Variants in DGKG observed in about 807,000 individuals in gnomAD.
The protein encoded by DGKG is diacylglycerol kinase gamma.
In DGKG, 78 loss-of-function variants were observed where a neutral mutation model predicts 105.3. The ratio of observed to expected loss-of-function variants is 0.74; its 90% CI spans 0.62 to 0.89. DGKG has a LOEUF of 0.89. DGKG is among the 40% of genes least tolerant of loss of function. DGKG has a pLI of 0.00. For synonymous variants in DGKG, 346 were observed against 367.1 expected (o/e 0.94, Z 0.66); for missense variants, 958 against 1,020.1 (o/e 0.94, Z 0.83).
At chr3:186,283,947 A>G (rs1201621841) in intron 7 of DGKG, among the ~76,000 whole-genome samples, 1 of 152,142 alleles carries the variant, frequency 6.6e-6, no homozygotes, top group Admixed American at 6.5e-5. Flanking sequence ...AATGAGCCCT[A>G]TCTCTGACAT....
rs528077961 is a variant in DGKG, at chr3:186,347,375, G to A, written c.-249+14571C>T. On this transcript the variant is annotated intron_variant, in intron 1 of 24. Transcript: ENST00000265022. ...AGGCAGGAGAATTGCTTGAACCCGG[G>A]AGGCAGAGGTTGCAGTGAGCCGAGA... 1.2e-4 allele frequency among the ~76,000 whole-genome samples: 18 copies of A among 148,616 alleles called. No individual in the cohort carries two copies. The East Asian group carries it at 3.7e-3, about 30-fold the overall frequency.
intron 2 of DGKG, among the ~76,000 whole-genome samples, chr3:186,307,882 T>C (rs1438451800): frequency 6.1e-5 from 1 of 16,344 alleles, no homozygotes; most frequent in Non-Finnish European, 1.9e-4. Context: ...ACTCTGTCCC[T>C]TTTTTTTTTT....
intron 4 of DGKG, 139 bp downstream of exon 4, chr3:186,297,925 C>T (rs6762330): frequency 0.59 from 544,149 of 920,360 alleles, 161,923 homozygotes; most frequent in African/African-American, 0.62. Context: ...TGAGGAAAGG[C>T]GTCCCTGTCC....
At chr3:186,197,027 A>G (rs1182863607) in intron 21 of DGKG, among the ~76,000 whole-genome samples, 5 of 152,136 alleles carry the variant, frequency 3.3e-5, no homozygotes, top group South Asian at 2.1e-4. Flanking sequence ...GAGAAGAGGA[A>G]GTTGGGATGC....
intron 24 of DGKG, among the ~76,000 whole-genome samples, chr3:186,156,953 A>T (rs1264946141): frequency 6.6e-6 from 1 of 151,790 alleles, no homozygotes; most frequent in East Asian, 1.9e-4. Flanking sequence ...GACAGTTTTG[A>T]CTCTTTTCCA....
At chr3:186,194,289 C>A (rs1366228564) in intron 21 of DGKG, among the ~76,000 whole-genome samples, 1 of 152,250 alleles carries the variant, frequency 6.6e-6, no homozygotes, top group Non-Finnish European at 1.5e-5. Flanking sequence ...CTTGATGTCT[C>A]GATCCCTACA....
intron 24 of DGKG, among the ~76,000 whole-genome samples, chr3:186,155,991 G>C (rs1716015347): frequency 6.6e-6 from 1 of 151,754 alleles, no homozygotes; most frequent in African/African-American, 2.4e-5. Context: ...CTATTGCATT[G>C]TTAGTATTTT....
chr3:186,171,258 AG>A (rs1456228934), intron 22 of DGKG, among the ~76,000 whole-genome samples: 3 of 152,212 alleles, frequency 2.0e-5, no homozygotes, highest in African/African-American at 7.2e-5. Flanking sequence ...GGCATATAAA[AG>A]GTTCTTGATA....
chr3:186,169,987 T>G (rs576569164), intron 22 of DGKG, among the ~76,000 whole-genome samples: 1 of 152,174 alleles, frequency 6.6e-6, no homozygotes, highest in African/African-American at 2.4e-5. Flanking sequence ...AAGAGAGGGT[T>G]GGGGAGAGGT....
intron 20 of DGKG, among the ~76,000 whole-genome samples, chr3:186,230,652 C>T (rs1720108327): frequency 6.6e-6 from 1 of 152,076 alleles, no homozygotes; most frequent in African/African-American, 2.4e-5. Context: ...CAGCTCCAGG[C>T]AGGGTGGGCC....
At chr3:186,357,695 C>T (rs1727039774) in intron 1 of DGKG, among the ~76,000 whole-genome samples, 1 of 152,224 alleles carries the variant, frequency 6.6e-6, no homozygotes, top group South Asian at 2.1e-4. Flanking sequence ...ACCACCATCC[C>T]TCCTTTATCT....
intron 15 of DGKG, among the ~76,000 whole-genome samples, chr3:186,261,106 G>T (rs1721752406): frequency 6.6e-6 from 1 of 152,186 alleles, no homozygotes; most frequent in South Asian, 2.1e-4. Flanking sequence ...AGGGGTGGGG[G>T]TCCTCATAGT....
At chr3:186,258,670 A>G (rs1721599382) in intron 16 of DGKG, among the ~76,000 whole-genome samples, 1 of 152,074 alleles carries the variant, frequency 6.6e-6, no homozygotes, top group Non-Finnish European at 1.5e-5. Context: ...GCCTCATACC[A>G]CTGCCATGCT....
chr3:186,315,572 T>C (rs1560150736), intron 2 of DGKG, among the ~76,000 whole-genome samples: 1 of 152,220 alleles, frequency 6.6e-6, no homozygotes, highest in East Asian at 1.9e-4. Context: ...AATGTGGATA[T>C]CAGTTTGCCT....
chr3:186,147,375 T>C lies in DGKG; in HGVS notation c.*2715A>G. On this transcript the variant is annotated 3_prime_UTR_variant, in exon 25 of 25. Transcript: ENST00000265022. ...ACCTCATTAAGCCTTGTTCTCCTCA[T>C]TGAGATCGAGATAATAATACCTTCT... 1.0e-6 allele frequency: 1 copy of C among 979,322 alleles called. No individual in the cohort carries two copies. The highest frequency in any genetic ancestry group is 4.7e-5 in the South Asian group (1 of 21,154). The allele number at this position is 979,322 out of a possible 1,614,324, so 60.7% of individuals were successfully genotyped here. A position where few individuals can be genotyped will look rare whatever the true frequency, so the allele number is the denominator to read the frequency against.
chr3:186,257,084 A>G (rs1482289359), intron 17 of DGKG, among the ~76,000 whole-genome samples: 1 of 152,130 alleles, frequency 6.6e-6, no homozygotes, highest in Non-Finnish European at 1.5e-5. Context: ...CATTTTTGGG[A>G]TGAAGAATGG....
At chr3:186,224,972 G>A (rs1435059551) in intron 20 of DGKG, among the ~76,000 whole-genome samples, 1 of 151,798 alleles carries the variant, frequency 6.6e-6, no homozygotes, top group Non-Finnish European at 1.5e-5. Flanking sequence ...ACAGGAATTG[G>A]GAATTTCCTC....
chr3:186,152,186 C>T (rs1715794248), intron 24 of DGKG, among the ~76,000 whole-genome samples: 1 of 152,154 alleles, frequency 6.6e-6, no homozygotes, highest in Non-Finnish European at 1.5e-5. Flanking sequence ...TGAAAATGAT[C>T]CTTATGTTGG....
intron 1 of DGKG, among the ~76,000 whole-genome samples, chr3:186,337,583 C>G (rs1381586492): frequency 6.6e-6 from 1 of 152,068 alleles, no homozygotes; most frequent in Admixed American, 6.6e-5. Flanking sequence ...ATGTTAGAAA[C>G]TCTACTATTC....
Sources: allele counts gnomAD v4.1 joint callset (sites outside exome capture counted in the v4.1 genomes callset), GRCh38; gene constraint gnomAD v4.1.1; transcripts MANE v1.5; gene names NCBI Gene and HGNC (gene_info 2026-07-23, HGNC 2026-07-21).